ZBTB7A: variants seen among roughly 807,000 people sequenced by gnomAD.
The protein encoded by ZBTB7A is zinc finger and BTB domain containing 7A, also known as zinc finger and BTB domain-containing protein 7A.
A neutral mutation model predicts 26.7 loss-of-function variants in ZBTB7A; 7 were observed. The observed-to-expected ratio is 0.26, with a 90% confidence interval of 0.15 to 0.49. The LOEUF (loss-of-function observed/expected upper bound fraction) is 0.49. Ranked by LOEUF, ZBTB7A falls within the 20% of genes least tolerant of loss-of-function variation. The pLI is 0.98. For missense variants in ZBTB7A, 617 were observed against 919.5 expected (o/e 0.67, Z 4.25); for synonymous variants, 452 against 441.0 (o/e 1.02, Z -0.31).
At position 4,046,479 on chromosome 19, in the gene ZBTB7A, G is replaced by A. The variant is rs1430492662; in HGVS notation, c.*1273C>T. 3 of 116,404 alleles carry A rather than the reference G, an allele frequency of 2.6e-5. No homozygotes were observed. The Admixed American group carries it at 3.0e-4, about 12-fold the overall frequency. 7.2% of individuals were successfully genotyped at this position (116,404 alleles called of 1,614,324 possible). A position where few individuals can be genotyped will look rare whatever the true frequency, so the allele number is the denominator to read the frequency against. ...TTTCAACTTTTCATAGAAGTTGGTT[G>A]TAACTTGTAAACATGTTTTTAAATT... On this transcript the variant is annotated 3_prime_UTR_variant, in exon 3 of 3. Transcript: ENST00000322357.
chr19:4,046,432 C>CTCGCT lies in ZBTB7A; in HGVS notation c.*1319_*1320insAGCGA. ...TCTCTCTCGCTCTCTCTCTCGCTCGCTTTTTTTTTTTTTTTTTGTCTTTTC... is the reference window on the plus strand; with the variant it reads ...TCTCTCTCGCTCTCTCTCTCGCTCGCTCGCTTTTTTTTTTTTTTTTTTGTCTTTTC... On this transcript the variant is annotated 3_prime_UTR_variant, in exon 3 of 3. Transcript: ENST00000322357. The CTCGCT allele has an allele frequency of 8.5e-6, 1 of 118,088 alleles. No homozygotes were observed. The highest frequency in any genetic ancestry group is 3.3e-5 in the African/African-American group (1 of 30,722). 7.3% of individuals were successfully genotyped at this position (118,088 alleles called of 1,614,324 possible).
In ZBTB7A at chr19:4,044,678, T is replaced by TC. The variant is rs1356577021; in HGVS notation, c.*3073_*3074insG. ...CAATTTCGCATTGTTTTTCTTTTTT[T>TC]TTTTTCTCTTTTTTTTTTTGTACCA... On this transcript the variant is annotated 3_prime_UTR_variant, in exon 3 of 3. Transcript: ENST00000322357. The TC allele has an allele frequency of 6.9e-6, 1 of 145,270 alleles. No homozygotes were observed. Among genetic ancestry groups the TC allele is most frequent in the African/African-American group, 2.6e-5 (1 of 38,508 alleles). 9.0% of individuals were successfully genotyped at this position (145,270 alleles called of 1,614,324 possible). A position where few individuals can be genotyped will look rare whatever the true frequency, so the allele number is the denominator to read the frequency against.
intron 1 of ZBTB7A, among the ~76,000 whole-genome samples, chr19:4,060,082 G>A (rs376429843): frequency 5.9e-5 from 9 of 151,990 alleles, no homozygotes; most frequent in East Asian, 5.9e-4. Context: ...CTCCTCCCCC[G>A]CGCTGGCCTC....
chr19:4,058,668 G>GAAGGCCTCCTCCA (rs2040608874), intron 1 of ZBTB7A, among the ~76,000 whole-genome samples: 1 of 151,646 alleles, frequency 6.6e-6, no homozygotes, highest in Non-Finnish European at 1.5e-5. Context: ...GGCCTCCTCC[G>GAAGGCCTCCTCCA]GGCCACCAGA....
intron 1 of ZBTB7A, chr19:4,061,596 T>G (rs1455702333): frequency 1.3e-5 from 2 of 152,168 alleles, no homozygotes; most frequent in African/African-American, 4.8e-5. Flanking sequence ...GGGCCAGACA[T>G]GGAGCAAACA....
chr19:4,044,881 A>G lies in ZBTB7A; in HGVS notation c.*2871T>C, dbSNP rs2040395187. ...GAATTCAGCAGGTATCTTTGGCAAC[A>G]CTTTATCACGACCTTAATTTAAAGA... On this transcript the variant is annotated 3_prime_UTR_variant, in exon 3 of 3. Coordinates refer to ENST00000322357, the MANE Select transcript of ZBTB7A (RefSeq NM_015898.4). 1 of 149,548 alleles carries G rather than the reference A, an allele frequency of 6.7e-6. No homozygotes were observed. Among genetic ancestry groups the G allele is most frequent in the Non-Finnish European group, 1.5e-5 (1 of 67,738 alleles). 9.3% of individuals were successfully genotyped at this position (149,548 alleles called of 1,614,324 possible).
At chr19:4,057,158 G>C (rs758052973) in intron 1 of ZBTB7A, among the ~76,000 whole-genome samples, 3 of 150,412 alleles carry the variant, frequency 2.0e-5, no homozygotes, top group Non-Finnish European at 4.4e-5. Flanking sequence ...AGACCAGCCT[G>C]ACCAACATGG....
Position 4,045,016 on chromosome 19 carries a change from G to A in ZBTB7A, c.*2736C>T, listed in dbSNP as rs1242101075. 1 of 152,316 alleles carries A rather than the reference G, an allele frequency of 6.6e-6. No individual in the cohort carries two copies. The highest frequency in any genetic ancestry group is 6.5e-5 in the Admixed American group (1 of 15,286). The allele number at this position is 152,316 out of a possible 1,614,324, so 9.4% of individuals were successfully genotyped here. A position where few individuals can be genotyped will look rare whatever the true frequency, so the allele number is the denominator to read the frequency against. On this transcript the variant is annotated 3_prime_UTR_variant, in exon 3 of 3. Coordinates refer to ENST00000322357, the MANE Select transcript of ZBTB7A (RefSeq NM_015898.4). This position sits in a 1 kb window ranked among gnomAD's most constrained non-coding sequence, Gnocchi z 4.1. The stretch of plus-strand genomic sequence containing the variant: ...GGCTCTGGGCCCATGCAGAGGCTGT[G>A]GCCCCCAGGACGGGCGGGTAGTTAA...
intron 1 of ZBTB7A, among the ~76,000 whole-genome samples, chr19:4,057,241 G>C (rs375401438): frequency 4.1e-5 from 6 of 147,886 alleles, no homozygotes; most frequent in Admixed American, 6.7e-5. Context: ...CCAGCTACTC[G>C]GGAGGCTGAG....
intron 1 of ZBTB7A, among the ~76,000 whole-genome samples, chr19:4,059,363 C>T (rs956305314): frequency 1.3e-5 from 2 of 152,128 alleles, no homozygotes; most frequent in African/African-American, 4.8e-5. Flanking sequence ...TGTGAAGATC[C>T]CAGTTCCAGG....
Position 4,054,598 on chromosome 19 carries a change from C to G in ZBTB7A, c.635G>C (p.Gly212Ala), listed in dbSNP as rs2144992126. Residue 212 changes from glycine (G) to alanine (A), a missense_variant, in exon 2 of 3, where the codon GGC becomes GCC. Gly to Ala is a moderately conservative substitution (Grantham distance 60, BLOSUM62 0). Transcript: ENST00000322357. ...VAAAVAAVAA[G>A]DCNGLDFYGP... ...ATAGAAGTCTAAGCCGTTGCAGTCGCCCGCGGCCACGGCGGCCACAGCGGC... is the reference window on the plus strand; with the variant it reads ...ATAGAAGTCTAAGCCGTTGCAGTCGGCCGCGGCCACGGCGGCCACAGCGGC... 6.3e-7 allele frequency: 1 copy of G among 1,575,906 alleles called. No individual in the cohort carries two copies. Among genetic ancestry groups the G allele is most frequent in the South Asian group, 1.1e-5 (1 of 87,552 alleles).
At chr19:4,050,343 G>C (rs1056609877) in intron 2 of ZBTB7A, among the ~76,000 whole-genome samples, 4 of 152,154 alleles carry the variant, frequency 2.6e-5, no homozygotes, top group African/African-American at 9.7e-5. Flanking sequence ...TTACAGGCGT[G>C]AGCCACCGCG....
intron 1 of ZBTB7A, among the ~76,000 whole-genome samples, chr19:4,060,869 C>A (rs2040631294): frequency 6.6e-6 from 1 of 152,188 alleles, no homozygotes; most frequent in Admixed American, 6.5e-5. Flanking sequence ...GATCAGGGCC[C>A]CCACCCAACC....
In ZBTB7A at chr19:4,054,547, G is replaced by A. The variant is rs775489427; in HGVS notation, c.686C>T (p.Pro229Leu). ...GCCCTCGTCCCCGTCCCCCGTCGGG[G>A]GCCGCTCGGCCGGGGGGCCCGGCCC... The part of the protein sequence containing the change: ...FYGPGPPAER[P>L]PTGDGDEGDS... The change falls in exon 2 of 3, where the codon CCC (proline) becomes CTC (leucine). Residue 229 changes from proline to leucine, a missense_variant. Pro to Leu is a moderately conservative substitution (Grantham distance 98). Transcript: ENST00000322357. 1 of 1,462,006 alleles carries A rather than the reference G, an allele frequency of 6.8e-7. No individual in the cohort carries two copies. Among genetic ancestry groups the A allele is most frequent in the Non-Finnish European group, 8.9e-7 (1 of 1,118,394 alleles). The allele number at this position is 1,462,006 out of a possible 1,614,324, so 90.6% of individuals were successfully genotyped here.
At chr19:4,053,928 G>A (rs939695744) in intron 2 of ZBTB7A, 43 bp downstream of exon 2, 9 of 1,541,100 alleles carry the variant, frequency 5.8e-6, no homozygotes, top group Non-Finnish European at 7.0e-6. Context: ...CGGATGCTGG[G>A]GCAGAGAGCA....
chr19:4,048,042 C>G lies in ZBTB7A; in HGVS notation c.1465G>C (p.Gly489Arg). Residue 489 changes from glycine to arginine, a missense_variant, in exon 3 of 3, where the codon GGC becomes CGC. Physicochemically the swap from Gly to Arg is moderately radical, Grantham distance 125. Around this residue, in one of 5 missense-constraint regions of ZBTB7A, gnomAD observed 27 missense variants for 38.7 expected, o/e 0.70. Coordinates refer to ENST00000322357, the MANE Select transcript of ZBTB7A (RefSeq NM_015898.4). The surrounding 1 kb of genome is among the most constrained non-coding windows in gnomAD (Gnocchi z 6.7). ...CGGCGCGAGGGGACGCCGTTGCAGC[C>G]GTCTTTCTTGAGGTGTCTGTGCAGG... is the stretch of plus-strand genomic sequence containing the variant. ...DHLHRHLKKD[G>R]CNGVPSRRGR... 1 of 1,539,894 alleles carries G rather than the reference C, an allele frequency of 6.5e-7. No homozygotes were observed. Among genetic ancestry groups the G allele is most frequent in the Non-Finnish European group, 8.7e-7 (1 of 1,143,112 alleles).
intron 2 of ZBTB7A, among the ~76,000 whole-genome samples, chr19:4,050,116 G>C (rs548846151): frequency 2.3e-4 from 35 of 152,232 alleles, no homozygotes; most frequent in Admixed American, 2.2e-3. Context: ...GTAGAGACGG[G>C]GTTTCACCAT....
chr19:4,065,940 G>T (rs1376574660), intron 1 of ZBTB7A, among the ~76,000 whole-genome samples: 42 of 125,812 alleles, frequency 3.3e-4, no homozygotes, highest in Non-Finnish European at 5.9e-4. Flanking sequence ...GCGCCGCGCC[G>T]CGCGATCGGC....
chr19:4,064,090 G>A (rs564068575), intron 1 of ZBTB7A, among the ~76,000 whole-genome samples: 1 of 152,192 alleles, frequency 6.6e-6, no homozygotes, highest in Non-Finnish European at 1.5e-5. Flanking sequence ...GCTCTGCCTC[G>A]GCCGCGCCTC....
Sources: gnomAD v4.1 joint callset for allele counts (sites outside exome capture counted in the v4.1 genomes callset) on GRCh38, gnomAD v4.1.1 for gene constraint, gnomAD v4.1.1 regional missense constraint, Gnocchi (gnomAD v3.1) non-coding constraint, MANE v1.5 for transcripts, NCBI Gene and HGNC (gene_info 2026-07-23, HGNC 2026-07-21) for gene names.